CDH12: variants seen among roughly 807,000 people sequenced by gnomAD.
CDH12 encodes cadherin-12.
A neutral mutation model predicts 74.1 loss-of-function variants in CDH12; 41 were observed. The ratio of observed to expected loss-of-function variants is 0.55; its 90% CI spans 0.43 to 0.72. The LOEUF is 0.72. CDH12 is among the 30% of genes least tolerant of loss of function. The probability of loss-of-function intolerance (pLI) is 0.00; values close to 1 mark genes in which losing one functional copy is unlikely to be tolerated. For missense variants in CDH12, 945 were observed against 977.2 expected, an observed-to-expected ratio of 0.97 and a Z score of 0.44; for synonymous variants, 399 against 355.0, an observed-to-expected ratio of 1.12 and a Z score of -1.39.
In CDH12 at chr5:22,789,182, G is replaced by T. The variant is rs10054853; in HGVS notation, c.-523+63876C>A. ...GAAAAAAGAGAAAAAAGGAACAAAT[G>T]TTAAAAAAGGAAAAAACAAAATTTT... On this transcript the variant is annotated intron_variant, in intron 1 of 14. Coordinates refer to ENST00000382254, the MANE Select transcript of CDH12 (RefSeq NM_004061.5). Among the ~76,000 whole-genome samples, 1,122 of 151,956 alleles carry T rather than the reference G, an allele frequency of 7.4e-3. 10 individuals are homozygous for T. The highest frequency in any genetic ancestry group is 0.026 in the African/African-American group (1,067 of 41,484).
intron 2 of CDH12, among the ~76,000 whole-genome samples, chr5:22,417,912 T>C (rs1218508680): frequency 6.6e-6 from 1 of 152,174 alleles, no homozygotes; most frequent in Non-Finnish European, 1.5e-5. Context: ...CTATTCATGG[T>C]TTTGGGATAC....
chr5:22,469,906 T>A (rs1424476), intron 2 of CDH12, among the ~76,000 whole-genome samples: 64,803 of 151,746 alleles, frequency 0.43, 14,253 homozygotes, highest in Admixed American at 0.61. Flanking sequence ...AACTTCAGGA[T>A]AATTCCTCAA....
intron 1 of CDH12, among the ~76,000 whole-genome samples, chr5:22,843,573 C>A (rs1454203080): frequency 6.6e-6 from 1 of 151,262 alleles, no homozygotes; most frequent in African/African-American, 2.4e-5. Context: ...ATTTAGCTAG[C>A]TTTAGAGATC....
rs1249622219 is a variant in CDH12, at chr5:22,531,359, T to C, written c.-522-25995A>G. ...TCAGTGTTTTCCATGTTATGGTGAA[T>C]GATGCAGTAGAAACAGCTAAGAAAC... On this transcript the variant is annotated intron_variant, in intron 1 of 14. Transcript: ENST00000382254. 2.6e-5 allele frequency among the ~76,000 whole-genome samples: 4 copies of C among 152,074 alleles called. No individual in the cohort carries two copies. The East Asian group carries it at 7.7e-4, about 29-fold the overall frequency.
chr5:22,453,269 G>T (rs1167977597), intron 2 of CDH12, among the ~76,000 whole-genome samples: 1 of 152,034 alleles, frequency 6.6e-6, no homozygotes, highest in South Asian at 2.1e-4. Context: ...GTATGTCAAA[G>T]AAATGTTTGT....
At position 22,248,428 on chromosome 5, in the gene CDH12, C is replaced by T. The variant is rs138512084; in HGVS notation, c.-332-35785G>A. On this transcript the variant is annotated intron_variant, in intron 3 of 14. Coordinates refer to ENST00000382254, the MANE Select transcript of CDH12 (RefSeq NM_004061.5). ...CAGGAGTATTTTCAGAATCCTTGAACAATTTCAGGGGATATTTCAAATCAA... is the reference window on the plus strand; with the variant it reads ...CAGGAGTATTTTCAGAATCCTTGAATAATTTCAGGGGATATTTCAAATCAA... Among the ~76,000 whole-genome samples the T allele has an allele frequency of 9.4e-3, 1,431 of 152,102 alleles. 5 individuals are homozygous for T. Among genetic ancestry groups the T allele is most frequent in the Non-Finnish European group, 0.014 (920 of 67,974 alleles).
intron 3 of CDH12, among the ~76,000 whole-genome samples, chr5:22,258,661 G>A (rs1208549572): frequency 6.6e-6 from 1 of 151,812 alleles, no homozygotes; most frequent in Non-Finnish European, 1.5e-5. Context: ...CCTTACAGGT[G>A]TATCACTTTT....
chr5:22,599,800 T>C (rs1736770464), intron 1 of CDH12, among the ~76,000 whole-genome samples: 1 of 152,152 alleles, frequency 6.6e-6, no homozygotes, highest in South Asian at 2.1e-4. Context: ...ATGAATAATA[T>C]ATTTATAATG....
intron 4 of CDH12, chr5:22,139,312 G>A (rs1422121147): frequency 6.8e-6 from 1 of 147,658 alleles, no homozygotes. Flanking sequence ...AGCATCATTA[G>A]TTGAAGGAGC....
chr5:21,952,692 C>T (rs532677996), intron 6 of CDH12, among the ~76,000 whole-genome samples: 80 of 151,692 alleles, frequency 5.3e-4, no homozygotes, highest in Admixed American at 2.4e-3. Context: ...TTGGAGGATT[C>T]GGTAGTTTGA....
chr5:22,448,238 T>C (rs1313687921), intron 2 of CDH12, among the ~76,000 whole-genome samples: 1 of 151,848 alleles, frequency 6.6e-6, no homozygotes, highest in East Asian at 1.9e-4. Flanking sequence ...AAAAACATTT[T>C]TTAAGTAATA....
Position 21,785,219 on chromosome 5 carries a change from A to C in CDH12, c.1257-1725T>G, listed in dbSNP as rs10073204. On this transcript the variant is annotated intron_variant, in intron 10 of 14. Transcript: ENST00000382254. ...TATAAAATTGTAAACTTAATCAATC[A>C]ACGTTGTGTGTCCTGACTGCTTCAC... Among the ~76,000 whole-genome samples, 1,070 of 152,264 alleles carry C rather than the reference A, an allele frequency of 7.0e-3. 10 individuals are homozygous for C. The highest frequency in any genetic ancestry group is 0.022 in the African/African-American group (934 of 41,548).
rs1335490725 is a variant in CDH12, at chr5:21,855,073, C to T, written c.527-283G>A. Among the ~76,000 whole-genome samples the T allele has an allele frequency of 2.0e-5, 3 of 151,646 alleles. No homozygotes were observed. The East Asian group carries it at 5.8e-4, about 29-fold the overall frequency. ...ATCATGATACCTTTATTGATTGGCA[C>T]ACCAAAGAAAGCATGGACACCACTT... On this transcript the variant is annotated intron_variant, in intron 6 of 14. Coordinates refer to ENST00000382254, the MANE Select transcript of CDH12 (RefSeq NM_004061.5).
chr5:22,301,625 CT>C (rs910366440), intron 3 of CDH12, among the ~76,000 whole-genome samples: 2 of 151,778 alleles, frequency 1.3e-5, no homozygotes, highest in African/African-American at 4.8e-5. Context: ...TTTTCATCCC[CT>C]TTTTATTTTT....
In CDH12 at chr5:22,032,092, T is replaced by G. The variant is rs892816120; in HGVS notation, c.231+46354A>C. Among the ~76,000 whole-genome samples, 7 of 151,778 alleles carry G rather than the reference T, an allele frequency of 4.6e-5. No individual in the cohort carries two copies. The South Asian group carries it at 8.3e-4, about 18-fold the overall frequency. ...AATAAAAGGATGTATGACAATATTA[T>G]AAATAGAAATATTATATAATATATA... On this transcript the variant is annotated intron_variant, in intron 5 of 14. Coordinates refer to ENST00000382254, the MANE Select transcript of CDH12 (RefSeq NM_004061.5).
rs9293032 is a variant in CDH12, at chr5:22,685,301, G to A, written c.-523+167757C>T. Among the ~76,000 whole-genome samples, 44 of 151,404 alleles carry A rather than the reference G, an allele frequency of 2.9e-4. No homozygotes were observed. The East Asian group carries it at 4.9e-3, about 17-fold the overall frequency. ...CGCCCAGTCTGGAGTTCAGTGGTGCGGTCTTGGCTCATTGCAGCCTCCACC... is the reference window on the plus strand; with the variant it reads ...CGCCCAGTCTGGAGTTCAGTGGTGCAGTCTTGGCTCATTGCAGCCTCCACC... On this transcript the variant is annotated intron_variant, in intron 1 of 14. Coordinates refer to ENST00000382254, the MANE Select transcript of CDH12 (RefSeq NM_004061.5).
chr5:22,160,507 G>A (rs1264301239), intron 4 of CDH12, among the ~76,000 whole-genome samples: 2 of 152,070 alleles, frequency 1.3e-5, no homozygotes, highest in Non-Finnish European at 2.9e-5. Context: ...TTACCTCACA[G>A]AAACAAACCA....
intron 1 of CDH12, among the ~76,000 whole-genome samples, chr5:22,818,448 C>T (rs1422240719): frequency 1.3e-5 from 2 of 152,032 alleles, no homozygotes; most frequent in African/African-American, 4.8e-5. Context: ...AAGAAATTTT[C>T]TTATAAAACA....
At chr5:22,624,115 T>G (rs1738140073) in intron 1 of CDH12, among the ~76,000 whole-genome samples, 1 of 152,244 alleles carries the variant, frequency 6.6e-6, no homozygotes, top group Admixed American at 6.5e-5. Context: ...TAGCCATATG[T>G]AGAAAGCTGA....
Sources: gnomAD v4.1 joint callset for allele counts (sites outside exome capture counted in the v4.1 genomes callset) on GRCh38, gnomAD v4.1.1 for gene constraint, MANE v1.5 for transcripts, NCBI Gene and HGNC (gene_info 2026-07-23, HGNC 2026-07-21) for gene names.